MPND: variants seen among roughly 807,000 people sequenced by gnomAD.
MPND encodes the protein MPN domain containing.
A neutral mutation model predicts 59.2 loss-of-function variants in MPND; 56 were observed. The observed-to-expected ratio is 0.95, with a 90% CI of 0.76 to 1.18. The LOEUF is 1.18. Among genes scored for constraint, MPND ranks in the 50% most tolerant of loss-of-function variants. The pLI, the probability that MPND is intolerant of heterozygous loss-of-function variation, is 0.00. For missense variants in MPND, 671 were observed against 676.0 expected, an observed-to-expected ratio of 0.99 and a Z score of 0.08; for synonymous variants, 323 against 291.9, an observed-to-expected ratio of 1.11 and a Z score of -1.09.
At chr19:4,359,611 G>C (rs1972532882) in intron 12 of MPND, among the ~76,000 whole-genome samples, 1 of 152,202 alleles carries the variant, frequency 6.6e-6, no homozygotes, top group Non-Finnish European at 1.5e-5. Flanking sequence ...CTCTCGGCTA[G>C]CTGTGGAGGC....
intron 3 of MPND, among the ~76,000 whole-genome samples, chr19:4,350,225 G>A (rs572558688): frequency 3.1e-4 from 47 of 152,280 alleles, no homozygotes; most frequent in Non-Finnish European, 2.8e-4. Flanking sequence ...GAGGAACAGC[G>A]AGGAGCCTGT....
chr19:4,355,128 G>A lies in MPND; in HGVS notation c.951G>A (p.Arg317=), dbSNP rs534597197. ...CGGTGCTCAGAGCCTTCCCTTGTCG[G>A]AGCCGGCTCGGGGACGCAGAGACTG... ...MLTVLRAFPC[R]SRLGDAETAA... Residue 317 remains arginine (R), a synonymous_variant, in exon 8 of 13, where the codon CGG becomes CGA. Transcript: ENST00000599840. 2.5e-6 allele frequency: 4 copies of A among 1,613,742 alleles called. No individual in the cohort carries two copies. In the East Asian group the frequency reaches 8.9e-5, roughly 36 times the overall value.
chr19:4,345,742 C>T lies in MPND; in HGVS notation c.295-3C>T, dbSNP rs1972170759. The T allele has an allele frequency of 1.9e-6, 3 of 1,613,526 alleles. No homozygotes were observed. Among genetic ancestry groups the T allele is most frequent in the South Asian group, 1.1e-5 (1 of 91,076 alleles). ...GGGCCCAGCCAGCTGACTGTCACTG[C>T]AGGGGAAGAAGTTCCTGGGCGACCT... On this transcript the variant is annotated splice_region_variant and splice_polypyrimidine_tract_variant and intron_variant, in intron 2 of 12. Transcript: ENST00000599840.
rs2144809078 is a variant in MPND, at chr19:4,343,599, A to C, written c.6A>C (p.Ala2=). 1 of 1,208,340 alleles carries C rather than the reference A, an allele frequency of 8.3e-7. No individual in the cohort carries two copies. Among genetic ancestry groups the C allele is most frequent in the Non-Finnish European group, 1.0e-6 (1 of 971,778 alleles). The allele number at this position is 1,208,340 out of a possible 1,614,324, so 74.9% of individuals were successfully genotyped here. A position where few individuals can be genotyped will look rare whatever the true frequency, so the allele number is the denominator to read the frequency against. Residue 2 remains alanine, a splice_region_variant and synonymous_variant, in exon 1 of 13, where the codon GCA becomes GCC. Coordinates refer to ENST00000599840, the MANE Select transcript of MPND (RefSeq NM_001300862.2). ...GGGCGCGGGGAGGCGCGGCCATGGC[A>C]GGTACGGCGGGCCCAGCGGGGCGGA... is the stretch of plus-strand genomic sequence containing the variant. The part of the protein sequence containing the change: M[A]APEPLSPAGG...
chr19:4,347,711 C>G (rs573115249), intron 3 of MPND: 5 of 732,186 alleles, frequency 6.8e-6, no homozygotes, highest in Non-Finnish European at 1.1e-5. Context: ...GCAAGGAAAT[C>G]CTCACTTAAG....
chr19:4,344,029 C>A (rs1287276641), intron 2 of MPND, 35 bp downstream of exon 2: 1 of 1,276,038 alleles, frequency 7.8e-7, no homozygotes, highest in Non-Finnish European at 9.9e-7. Flanking sequence ...CATCGCGGCT[C>A]GGGCAGGAAG....
rs372726989 is a variant in MPND at position 4,347,761 on chromosome 19, C to T, written c.531+1780C>T. 8.4e-4 allele frequency: 582 copies of T among 692,050 alleles called. 2 individuals are homozygous for T. In the African/African-American group the frequency reaches 8.9e-3, roughly 11 times the overall value. 42.9% of individuals were successfully genotyped at this position (692,050 alleles called of 1,614,324 possible). ...AAGCACTTAAAACCCATGAACCTGC[C>T]CGACGCAGTGGCAAAAAAACCCTTG... On this transcript the variant is annotated intron_variant, in intron 3 of 12. Transcript: ENST00000599840.
chr19:4,343,754 G>A lies in MPND; in HGVS notation c.54G>A (p.Pro18=). Residue 18 remains proline (P), a synonymous_variant, in exon 2 of 13, where the codon CCG becomes CCA. Transcript: ENST00000599840. The part of the protein sequence containing the change: ...SPAGGAGEEA[P]EEDEDEAEAE... ...CGGGCGGTGCGGGCGAGGAGGCGCC[G>A]GAGGAGGACGAGGACGAAGCGGAGG... 1 of 1,208,816 alleles carries A rather than the reference G, an allele frequency of 8.3e-7. No individual in the cohort carries two copies. The highest frequency in any genetic ancestry group is 1.0e-6 in the Non-Finnish European group (1 of 972,392). The allele number at this position is 1,208,816 out of a possible 1,614,324, so 74.9% of individuals were successfully genotyped here. A position where few individuals can be genotyped will look rare whatever the true frequency, so the allele number is the denominator to read the frequency against.
intron 8 of MPND, 163 bp from the exon 9 acceptor site, chr19:4,357,090 G>A: frequency 1.7e-6 from 1 of 589,534 alleles, no homozygotes; most frequent in Non-Finnish European, 2.6e-6. Flanking sequence ...TGTCTCTCCA[G>A]CTCCCACTGG....
Position 4,343,729 on chromosome 19 carries a change from C to T in MPND, c.29C>T (p.Ala10Val). Residue 10 changes from alanine (A) to valine (V), a missense_variant, in exon 2 of 13, where the codon GCG (alanine) becomes GTG (valine). Ala to Val is a moderately conservative substitution (Grantham distance 64). Transcript: ENST00000599840. MAAPEPLSP[A>V]GGAGEEAPEE... ...GCAGCTCCGGAGCCGCTGTCCCCGGCGGGCGGTGCGGGCGAGGAGGCGCCG... is the reference window on the plus strand; with the variant it reads ...GCAGCTCCGGAGCCGCTGTCCCCGGTGGGCGGTGCGGGCGAGGAGGCGCCG... The T allele has an allele frequency of 8.3e-7, 1 of 1,204,508 alleles. No individual in the cohort carries two copies. Among genetic ancestry groups the T allele is most frequent in the South Asian group, 4.1e-5 (1 of 24,190 alleles). The allele number at this position is 1,204,508 out of a possible 1,614,324, so 74.6% of individuals were successfully genotyped here. A position where few individuals can be genotyped will look rare whatever the true frequency, so the allele number is the denominator to read the frequency against.
chr19:4,359,029 G>A (rs1048265883), intron 11 of MPND, 134 bp from the exon 12 acceptor site: 21 of 622,468 alleles, frequency 3.4e-5, no homozygotes, highest in Middle Eastern at 6.8e-4. Flanking sequence ...AAGGTCACTC[G>A]TGATCTCTTT....
intron 3 of MPND, among the ~76,000 whole-genome samples, chr19:4,346,519 G>T (rs2144815162): frequency 6.6e-6 from 1 of 152,056 alleles, no homozygotes; most frequent in East Asian, 1.9e-4. Flanking sequence ...CTGGGTTCAA[G>T]CGATCCTCCC....
At position 4,357,491 on chromosome 19, in the gene MPND, ACCCCTCTC is replaced by A. The variant is rs1972467146; in HGVS notation, c.1166-21_1166-14del. ...GGGCCAGCCGAGCCTCCCAGGGCCA[ACCCCTCTC>A]CCTCTCTCCCGCCAGCCCCTTACTA... On this transcript the variant is annotated splice_polypyrimidine_tract_variant and intron_variant, in intron 9 of 12. Transcript: ENST00000599840. The A allele has an allele frequency of 6.2e-7, 1 of 1,611,242 alleles. No homozygotes were observed.
rs1972457535 is a variant in MPND, at chr19:4,357,247, C to T, written c.997-6C>T. ...TGTGCCCGCTGAGCTGCGCCTCTGT[C>T]CCCAGATCTACCAGAGCCTGTTCCT... On this transcript the variant is annotated splice_polypyrimidine_tract_variant and splice_region_variant and intron_variant, in intron 8 of 12. Coordinates refer to ENST00000599840, the MANE Select transcript of MPND (RefSeq NM_001300862.2). The T allele has an allele frequency of 6.3e-7, 1 of 1,588,570 alleles. No individual in the cohort carries two copies. The highest frequency in any genetic ancestry group is 1.3e-5 in the African/African-American group (1 of 74,392).
intron 3 of MPND, among the ~76,000 whole-genome samples, chr19:4,352,344 T>C (rs1568397682): frequency 6.6e-6 from 1 of 152,174 alleles, no homozygotes; most frequent in South Asian, 2.1e-4. Context: ...ACCCTAGGCA[T>C]AAATGGCAAT....
chr19:4,359,576 A>G (rs2144845261), intron 12 of MPND, among the ~76,000 whole-genome samples: 1 of 152,242 alleles, frequency 6.6e-6, no homozygotes, highest in Middle Eastern at 3.4e-3. Context: ...TCCACCTGGC[A>G]TAGAAAGGGA....
rs1972126858 is a variant in MPND, at chr19:4,343,889, C to T, written c.189C>T (p.Cys63=). Residue 63 remains cysteine, a synonymous_variant, in exon 2 of 13, where the codon TGC becomes TGT. Transcript: ENST00000599840. ...GCGGCGGGGCCGGGGCGGGGGGCTG[C>T]GGCGGGCCCGGGGGCGCGCTCACCA... ...GGGGGAGAGG[C]GGPGGALTRR... is the part of the protein sequence containing the mutation. 8.1e-7 allele frequency: 1 copy of T among 1,239,906 alleles called. No homozygotes were observed. 76.8% of individuals were successfully genotyped at this position (1,239,906 alleles called of 1,614,324 possible). A position where few individuals can be genotyped will look rare whatever the true frequency, so the allele number is the denominator to read the frequency against.
chr19:4,354,895 G>A, intron 6 of MPND, 54 bp from the exon 7 acceptor site: 1 of 1,509,418 alleles, frequency 6.6e-7, no homozygotes, highest in Non-Finnish European at 9.0e-7. Flanking sequence ...TGGCTCCAGT[G>A]TTGGGGCAGG....
chr19:4,359,289 G>T (rs891960547), intron 12 of MPND, 34 bp downstream of exon 12: 2 of 1,561,632 alleles, frequency 1.3e-6, no homozygotes, highest in Admixed American at 1.7e-5. Flanking sequence ...CTCCTAACGG[G>T]GCCCCAGGAG....
Sources: gnomAD v4.1 joint callset for allele counts (sites outside exome capture counted in the v4.1 genomes callset) on GRCh38, gnomAD v4.1.1 for gene constraint, MANE v1.5 for transcripts, NCBI Gene and HGNC (gene_info 2026-07-23, HGNC 2026-07-21) for gene names.